KCNMA1: variants seen among roughly 807,000 people sequenced by gnomAD.
The protein encoded by KCNMA1 is Calcium-activated potassium channel subunit alpha-1.
A neutral mutation model predicts 140.0 loss-of-function variants in KCNMA1; 29 were observed. The observed-to-expected ratio is 0.21, with a 90% CI of 0.15 to 0.28. The LOEUF is 0.28. Among genes scored for constraint, KCNMA1 ranks in the 10% least tolerant of loss-of-function variants. KCNMA1 has a pLI of 1.00. For missense variants in KCNMA1, 880 were observed against 1,602.2 expected (o/e 0.55, Z 7.70); for synonymous variants, 612 against 611.9 (o/e 1.00, Z 0.00).
At chr10:77,131,299 C>G (rs1417841006) in intron 5 of KCNMA1, among the ~76,000 whole-genome samples, 2 of 152,150 alleles carry the variant, frequency 1.3e-5, no homozygotes, top group African/African-American at 4.8e-5. Context: ...CAGAAGATCT[C>G]AAATGCAAAG....
intron 2 of KCNMA1, among the ~76,000 whole-genome samples, chr10:77,327,631 A>T (rs2084704546): frequency 6.6e-6 from 1 of 152,156 alleles, no homozygotes; most frequent in African/African-American, 2.4e-5. Flanking sequence ...CTAGGATTAC[A>T]GGTGTGAGCC....
intron 1 of KCNMA1, among the ~76,000 whole-genome samples, chr10:77,533,073 T>C (rs2058066477): frequency 6.6e-6 from 1 of 152,194 alleles, no homozygotes. Flanking sequence ...ATAATAAATG[T>C]TTGAAAATAT....
At chr10:77,008,247 GA>G (rs1015138437) in intron 18 of KCNMA1, 121 of 1,497,432 alleles carry the variant, frequency 8.1e-5, no homozygotes, top group Non-Finnish European at 9.5e-5. Flanking sequence ...GCAGCAAAGA[GA>G]AAAAAAATAA....
chr10:76,949,732 A>C (rs1056696719), intron 21 of KCNMA1, among the ~76,000 whole-genome samples: 3 of 152,202 alleles, frequency 2.0e-5, no homozygotes, highest in Non-Finnish European at 4.4e-5. Flanking sequence ...GAGAAGTCTT[A>C]GTTTCCATGA....
intron 3 of KCNMA1, among the ~76,000 whole-genome samples, chr10:77,247,253 A>G (rs2058740068): frequency 6.6e-6 from 1 of 152,220 alleles, no homozygotes; most frequent in Non-Finnish European, 1.5e-5. Flanking sequence ...GTGAAAATGC[A>G]AATACCCAGA....
intron 2 of KCNMA1, among the ~76,000 whole-genome samples, chr10:77,272,970 A>G (rs1449288448): frequency 6.6e-6 from 1 of 152,182 alleles, no homozygotes; most frequent in African/African-American, 2.4e-5. Flanking sequence ...CAAAACATGG[A>G]CCTATTATAA....
chr10:77,303,358 T>C (rs987352611), intron 2 of KCNMA1, among the ~76,000 whole-genome samples: 1 of 152,134 alleles, frequency 6.6e-6, no homozygotes, highest in Non-Finnish European at 1.5e-5. Context: ...CTGAAGCCCA[T>C]TGAGGGCATT....
intron 18 of KCNMA1, chr10:77,008,050 T>C: frequency 3.5e-6 from 3 of 847,080 alleles, no homozygotes; most frequent in East Asian, 2.7e-5. Context: ...TGGGGCATGA[T>C]GTCACTGCTA....
At chr10:76,902,372 C>A (rs2045862796) in intron 25 of KCNMA1, 1 of 152,236 alleles carries the variant, frequency 6.6e-6, no homozygotes, top group African/African-American at 2.4e-5. Context: ...CCAGTCTTTT[C>A]TGTGCCTTAC....
intron 2 of KCNMA1, among the ~76,000 whole-genome samples, chr10:77,312,129 G>A (rs901270763): frequency 2.0e-5 from 3 of 152,242 alleles, no homozygotes; most frequent in Non-Finnish European, 4.4e-5. Flanking sequence ...GGTATGAAGA[G>A]TGCTAGGGTG....
At chr10:76,903,336 C>T (rs2046373621) in intron 25 of KCNMA1, 1 of 152,206 alleles carries the variant, frequency 6.6e-6, no homozygotes, top group African/African-American at 2.4e-5. Flanking sequence ...TGGCTCTCTG[C>T]CTTTCGTTTA....
chr10:77,613,922 C>G lies in KCNMA1; in HGVS notation c.378+23343G>C, dbSNP rs147204514. Among the ~76,000 whole-genome samples, 848 of 152,328 alleles carry G rather than the reference C, an allele frequency of 5.6e-3. 7 individuals carry two copies. The highest frequency in any genetic ancestry group is 6.8e-3 in the Non-Finnish European group (465 of 68,030). On this transcript the variant is annotated intron_variant, in intron 1 of 27. Coordinates refer to ENST00000286628, the MANE Select transcript of KCNMA1 (RefSeq NM_001161352.2). ...TCCTCAACACTTAACACCCACAGAG[C>G]TCACAAAATACCCTTTCTTCTGAGG...
intron 1 of KCNMA1, among the ~76,000 whole-genome samples, chr10:77,475,950 A>G (rs954164133): frequency 6.6e-6 from 1 of 152,172 alleles, no homozygotes; most frequent in African/African-American, 2.4e-5. Flanking sequence ...TGCCCTGTCA[A>G]TTTGACTTCA....
At chr10:77,009,835 G>A (rs2090266343) in intron 18 of KCNMA1, among the ~76,000 whole-genome samples, 1 of 152,112 alleles carries the variant, frequency 6.6e-6, no homozygotes, top group Non-Finnish European at 1.5e-5. Flanking sequence ...AAGCTATAAA[G>A]TAGCACCACT....
chr10:77,453,951 T>TAGTA, intron 1 of KCNMA1, among the ~76,000 whole-genome samples: 1 of 152,096 alleles, frequency 6.6e-6, no homozygotes, highest in Non-Finnish European at 1.5e-5. Flanking sequence ...AATAGCAGCG[T>TAGTA]CTCTGTAGTG....
intron 2 of KCNMA1, among the ~76,000 whole-genome samples, chr10:77,297,471 G>A (rs550114858): frequency 6.6e-6 from 1 of 152,262 alleles, no homozygotes; most frequent in East Asian, 1.9e-4. Context: ...TCAAGTAACA[G>A]CTTTGCCCTA....
At chr10:77,563,062 C>CA (rs35283320) in intron 1 of KCNMA1, among the ~76,000 whole-genome samples, 107,016 of 147,844 alleles carry the variant, frequency 0.72, 38,798 homozygotes, top group South Asian at 0.85. Flanking sequence ...GAGACTTGAG[C>CA]AAAAAAAAAA....
intron 1 of KCNMA1, among the ~76,000 whole-genome samples, chr10:77,623,684 C>T (rs965995767): frequency 4.7e-5 from 7 of 149,616 alleles, no homozygotes; most frequent in African/African-American, 1.7e-4. Flanking sequence ...GCCTGGACGA[C>T]AGACCAAGAC....
intron 20 of KCNMA1, among the ~76,000 whole-genome samples, chr10:76,964,308 T>C (rs1289675068): frequency 6.6e-6 from 1 of 152,094 alleles, no homozygotes; most frequent in East Asian, 1.9e-4. Context: ...TGTTATCTAG[T>C]GTTAGGCAGC....
Sources: allele counts gnomAD v4.1 joint callset (sites outside exome capture counted in the v4.1 genomes callset), GRCh38; gene constraint gnomAD v4.1.1; transcripts MANE v1.5; gene names NCBI Gene and HGNC (gene_info 2026-07-23, HGNC 2026-07-21).